SLC35D1: variants seen among roughly 807,000 people sequenced by gnomAD.
SLC35D1 encodes solute carrier family 35 member D1.
A neutral mutation model predicts 46.7 loss-of-function variants in SLC35D1; 31 were observed. The observed-to-expected ratio is 0.66, with a 90% CI of 0.50 to 0.90. The LOEUF is 0.90. Among genes scored for constraint, SLC35D1 ranks in the 40% least tolerant of loss-of-function variants. The pLI, the probability that SLC35D1 is intolerant of heterozygous loss-of-function variation, is 0.00. For missense variants in SLC35D1, 397 were observed against 426.2 expected (o/e 0.93, Z 0.60); for synonymous variants, 195 against 164.6 (o/e 1.18, Z -1.41).
In SLC35D1 at chr1:67,002,689, C is replaced by T. The variant is rs1004916818; in HGVS notation, c.*1651G>A. 1 of 152,196 alleles carries T rather than the reference C, an allele frequency of 6.6e-6. No individual in the cohort carries two copies. Among genetic ancestry groups the T allele is most frequent in the Middle Eastern group, 3.2e-3 (1 of 316 alleles). 9.4% of individuals were successfully genotyped at this position (152,196 alleles called of 1,614,324 possible). A position where few individuals can be genotyped will look rare whatever the true frequency, so the allele number is the denominator to read the frequency against. On this transcript the variant is annotated 3_prime_UTR_variant, in exon 12 of 12. Coordinates refer to ENST00000235345, the MANE Select transcript of SLC35D1 (RefSeq NM_015139.3). ...GCTTTAGTAAAGACAAACCAAAAGA[C>T]AGGAATATGAAAATGATCTCAATAT... is the stretch of plus-strand genomic sequence containing the variant.
At position 67,004,497 on chromosome 1, in the gene SLC35D1, G is replaced by C. The variant is rs755135094; in HGVS notation, c.960-49C>G. 2.0e-6 allele frequency: 3 copies of C among 1,499,176 alleles called. No individual in the cohort carries two copies. In the South Asian group the frequency reaches 3.4e-5, roughly 17 times the overall value. 92.9% of individuals were successfully genotyped at this position (1,499,176 alleles called of 1,614,324 possible). A position where few individuals can be genotyped will look rare whatever the true frequency, so the allele number is the denominator to read the frequency against. ...AGAGATGGAGGAAGGGAGGGTTTTA[G>C]TGTAAACACTCTACTCAGTAAAAAA... On this transcript the variant is annotated intron_variant, in intron 11 of 11. Coordinates refer to ENST00000235345, the MANE Select transcript of SLC35D1 (RefSeq NM_015139.3).
the SLC35D1 span, chr1:66,981,843 C>T: frequency 1.2e-6 from 2 of 1,613,992 alleles, no homozygotes; most frequent in Non-Finnish European, 1.7e-6. Flanking sequence ...ACCATCCCCT[C>T]CCCCAACTGC....
chr1:67,027,320 C>T (rs1201828972), intron 8 of SLC35D1, among the ~76,000 whole-genome samples: 9 of 151,798 alleles, frequency 5.9e-5, no homozygotes, highest in Non-Finnish European at 1.3e-4. Context: ...TTTTATTAAT[C>T]TTTTTTAAAA....
At chr1:67,020,535 C>A in intron 9 of SLC35D1, 88 bp from the exon 10 acceptor site, 1 of 922,840 alleles carries the variant, frequency 1.1e-6, no homozygotes, top group East Asian at 2.5e-5. Flanking sequence ...GCCAAGCCAG[C>A]ACATTCTAGT....
rs530144286 is a variant in SLC35D1 at position 67,005,024 on chromosome 1, T to C, written c.960-576A>G. Among the ~76,000 whole-genome samples the C allele has an allele frequency of 5.3e-5, 8 of 152,276 alleles. No individual in the cohort carries two copies. The East Asian group carries it at 1.4e-3, about 26-fold the overall frequency. ...GTACCCCTCACTTATCCATCGCACC[T>C]ACCACCAGGAAGGATCCCTCTTTGG... is the stretch of plus-strand genomic sequence containing the variant. On this transcript the variant is annotated intron_variant, in intron 11 of 11. Transcript: ENST00000235345.
Position 67,027,959 on chromosome 1 carries a change from T to G in SLC35D1, c.730-6357A>C, listed in dbSNP as rs182012745. ...GTTGACCAGGTTGGTCTCAAACTCC[T>G]GACCTCAAGTGATCCACCTATCTCA... is the stretch of plus-strand genomic sequence containing the variant. On this transcript the variant is annotated intron_variant, in intron 8 of 11. Coordinates refer to ENST00000235345, the MANE Select transcript of SLC35D1 (RefSeq NM_015139.3). 2.6e-3 allele frequency among the ~76,000 whole-genome samples: 397 copies of G among 152,282 alleles called. 7 individuals carry two copies. Among genetic ancestry groups the G allele is most frequent in the Admixed American group, 0.016 (242 of 15,294 alleles).
chr1:67,021,858 C>G (rs756578509), intron 8 of SLC35D1, among the ~76,000 whole-genome samples: 2 of 152,062 alleles, frequency 1.3e-5, no homozygotes, highest in Non-Finnish European at 2.9e-5. Flanking sequence ...AAGATTTTCT[C>G]CCATCCAAAA....
At chr1:66,986,279 G>A in the SLC35D1 span, 1 of 1,452,060 alleles carries the variant, frequency 6.9e-7, no homozygotes, top group South Asian at 1.5e-5. Flanking sequence ...GCATAGCCTT[G>A]TAAAAGTGCC....
intron 8 of SLC35D1, among the ~76,000 whole-genome samples, chr1:67,040,209 C>T (rs1049463399): frequency 6.6e-6 from 1 of 152,036 alleles, no homozygotes; most frequent in Non-Finnish European, 1.5e-5. Flanking sequence ...GTTGCCCAGG[C>T]TGGTCTTGAA....
Position 67,052,122 on chromosome 1 carries a change from T to C in SLC35D1, c.325-43A>G, listed in dbSNP as rs765068792. On this transcript the variant is annotated intron_variant, in intron 3 of 11. Coordinates refer to ENST00000235345, the MANE Select transcript of SLC35D1 (RefSeq NM_015139.3). ...GGATAACAAAACTCAATAATAAAGA[T>C]AGCTAAAACAAGGTCCTTTCAAACA... 44 of 1,328,166 alleles carry C rather than the reference T, an allele frequency of 3.3e-5. 1 individual carries two copies. The Middle Eastern group carries it at 2.7e-3, about 83-fold the overall frequency. The allele number at this position is 1,328,166 out of a possible 1,614,324, so 82.3% of individuals were successfully genotyped here.
intron 6 of SLC35D1, among the ~76,000 whole-genome samples, chr1:67,049,101 T>C (rs1645281785): frequency 6.6e-6 from 1 of 152,150 alleles, no homozygotes; most frequent in African/African-American, 2.4e-5. Context: ...GAGACCATCC[T>C]GGCTAACATG....
the SLC35D1 span, among the ~76,000 whole-genome samples, chr1:66,980,093 A>G: frequency 5.1e-4 from 78 of 152,162 alleles, no homozygotes; most frequent in Admixed American, 2.4e-3. Flanking sequence ...CCTTCATATT[A>G]TCCATTCCCA....
At chr1:66,982,951 T>G in the SLC35D1 span, among the ~76,000 whole-genome samples, 2,453 of 152,350 alleles carry the variant, frequency 0.016, 70 homozygotes, top group African/African-American at 0.057. Flanking sequence ...ACTAACCGTA[T>G]AGGCTCAAGG....
At chr1:66,975,922 G>C in the SLC35D1 span, among the ~76,000 whole-genome samples, 1 of 152,296 alleles carries the variant, frequency 6.6e-6, no homozygotes, top group East Asian at 1.9e-4. Context: ...CGTACTCTGT[G>C]AGTAAAAGTA....
chr1:66,985,313 T>A, the SLC35D1 span: 4 of 985,650 alleles, frequency 4.1e-6, no homozygotes, highest in Middle Eastern at 5.2e-4. Flanking sequence ...AGTCCAAATT[T>A]CTGCTTAATA....
intron 10 of SLC35D1, among the ~76,000 whole-genome samples, chr1:67,018,203 G>C (rs1197253821): frequency 1.3e-5 from 2 of 152,090 alleles, no homozygotes; most frequent in Non-Finnish European, 2.9e-5. Flanking sequence ...CCTTAGAAAG[G>C]ATTTTCCTAT....
At chr1:66,977,625 C>T in the SLC35D1 span, among the ~76,000 whole-genome samples, 18 of 152,150 alleles carry the variant, frequency 1.2e-4, no homozygotes, top group Non-Finnish European at 2.4e-4. Context: ...ATTGTCTACA[C>T]CTCATTCAGT....
intron 8 of SLC35D1, chr1:67,031,876 T>C (rs1558159732): frequency 5.3e-6 from 1 of 188,902 alleles, no homozygotes. Flanking sequence ...TGCAAGCGAA[T>C]TTTTTATTCT....
intron 10 of SLC35D1, among the ~76,000 whole-genome samples, chr1:67,017,849 G>T (rs116814343): frequency 6.6e-6 from 1 of 152,026 alleles, no homozygotes; most frequent in Non-Finnish European, 1.5e-5. Flanking sequence ...AAAAGATATG[G>T]GGCAATACAT....
Sources: allele counts gnomAD v4.1 joint callset (sites outside exome capture counted in the v4.1 genomes callset), GRCh38; gene constraint gnomAD v4.1.1; transcripts MANE v1.5; gene names NCBI Gene and HGNC (gene_info 2026-07-23, HGNC 2026-07-21).